Variants in PTPRR observed in about 807,000 individuals in gnomAD.
PTPRR encodes receptor-type tyrosine-protein phosphatase R.
In PTPRR, 38 loss-of-function variants were observed where a neutral mutation model predicts 77.2. The observed-to-expected ratio is 0.49, with a 90% CI of 0.38 to 0.65. The LOEUF (loss-of-function observed/expected upper bound fraction) is 0.65. Ranked by LOEUF, PTPRR falls within the 30% of genes least tolerant of loss-of-function variation. PTPRR has a pLI of 0.00. For missense variants in PTPRR, 744 were observed against 799.2 expected (o/e 0.93, Z 0.83); for synonymous variants, 299 against 283.1 (o/e 1.06, Z -0.57).
intron 2 of PTPRR, among the ~76,000 whole-genome samples, chr12:70,827,023 A>G (rs1892121092): frequency 1.3e-5 from 2 of 152,182 alleles, no homozygotes; most frequent in South Asian, 4.1e-4. Context: ...CTTATGGTTC[A>G]GACTTGGATT....
chr12:70,674,261 T>C (rs1342476949), intron 10 of PTPRR, among the ~76,000 whole-genome samples: 2 of 152,170 alleles, frequency 1.3e-5, no homozygotes, highest in Non-Finnish European at 1.5e-5. Context: ...CTTTGTTTTA[T>C]GTTTAACATT....
At chr12:70,742,852 G>A (rs1026292485) in intron 6 of PTPRR, among the ~76,000 whole-genome samples, 1 of 152,122 alleles carries the variant, frequency 6.6e-6, no homozygotes, top group Non-Finnish European at 1.5e-5. Context: ...AAACAACACG[G>A]AGAAGCTGAG....
chr12:70,730,846 G>C (rs1025039943), intron 6 of PTPRR, among the ~76,000 whole-genome samples: 1 of 150,610 alleles, frequency 6.6e-6, no homozygotes, highest in African/African-American at 2.4e-5. Context: ...GAGAATGAGA[G>C]AGAGCAGAAG....
intron 2 of PTPRR, among the ~76,000 whole-genome samples, chr12:70,872,707 A>AAAAAAAAAAAAAC (rs1892981864): frequency 1.3e-5 from 2 of 149,350 alleles, no homozygotes; most frequent in Non-Finnish European, 3.0e-5. Context: ...AAAAAAAAAA[A>AAAAAAAAAAAAAC]AAAAAAAAAA....
intron 2 of PTPRR, among the ~76,000 whole-genome samples, chr12:70,783,622 A>G (rs1025139800): frequency 1.2e-4 from 18 of 152,096 alleles, no homozygotes; most frequent in African/African-American, 4.1e-4. Flanking sequence ...GGGCCCAAGA[A>G]AAAGCACCAT....
chr12:70,784,263 TGG>T (rs1296746595), intron 2 of PTPRR, among the ~76,000 whole-genome samples: 1 of 152,164 alleles, frequency 6.6e-6, no homozygotes, highest in Non-Finnish European at 1.5e-5. Flanking sequence ...CAGTTGCACC[TGG>T]GGAGCTCCCA....
chr12:70,822,900 C>A (rs1322333630), intron 2 of PTPRR, among the ~76,000 whole-genome samples: 4 of 152,024 alleles, frequency 2.6e-5, no homozygotes, highest in Non-Finnish European at 5.9e-5. Flanking sequence ...AGGGCATAAT[C>A]CTTTTTCAGA....
At chr12:70,871,259 T>A (rs776471261) in intron 2 of PTPRR, among the ~76,000 whole-genome samples, 12 of 152,162 alleles carry the variant, frequency 7.9e-5, no homozygotes, top group Non-Finnish European at 1.6e-4. Flanking sequence ...AAAACTTCAA[T>A]AGCAGCAAAC....
In PTPRR at chr12:70,684,691, C is replaced by T. The variant is rs1887795030; in HGVS notation, c.1359+13G>A. 2 of 1,528,562 alleles carry T rather than the reference C, an allele frequency of 1.3e-6. No individual in the cohort carries two copies. Among genetic ancestry groups the T allele is most frequent in the Non-Finnish European group, 1.8e-6 (2 of 1,120,668 alleles). 94.7% of individuals were successfully genotyped at this position (1,528,562 alleles called of 1,614,324 possible). A position where few individuals can be genotyped will look rare whatever the true frequency, so the allele number is the denominator to read the frequency against. On this transcript the variant is annotated intron_variant, in intron 9 of 13. Coordinates refer to ENST00000283228, the MANE Select transcript of PTPRR (RefSeq NM_002849.4). ...GGAAGTCACCAGAAAGAAATTTGTACTTATTTACTTACCCTAATATAATTA... is the reference window on the plus strand; with the variant it reads ...GGAAGTCACCAGAAAGAAATTTGTATTTATTTACTTACCCTAATATAATTA...
intron 2 of PTPRR, among the ~76,000 whole-genome samples, chr12:70,886,896 C>T (rs1244497570): frequency 4.6e-5 from 7 of 152,114 alleles, no homozygotes; most frequent in Non-Finnish European, 1.5e-5. Context: ...GTGGAACATA[C>T]ATTATAACTC....
At chr12:70,684,870 C>T in intron 8 of PTPRR, 87 bp from the exon 9 acceptor site, 1 of 867,708 alleles carries the variant, frequency 1.2e-6, no homozygotes, top group Non-Finnish European at 1.8e-6. Context: ...AAGTAGAAAC[C>T]TGTTATGTAT....
At chr12:70,857,686 G>T (rs770539799) in intron 2 of PTPRR, among the ~76,000 whole-genome samples, 15 of 152,058 alleles carry the variant, frequency 9.9e-5, no homozygotes, top group Non-Finnish European at 1.9e-4. Context: ...AATATGGTTG[G>T]CTGCTTGTAA....
chr12:70,874,533 G>T (rs1410350832), intron 2 of PTPRR, among the ~76,000 whole-genome samples: 4 of 152,172 alleles, frequency 2.6e-5, no homozygotes, highest in African/African-American at 9.7e-5. Flanking sequence ...GAGTGATTCT[G>T]GTAGGGATGA....
rs1465924225 is a variant in PTPRR, at chr12:70,920,323, A to G, written c.58+10T>C. ...GCACAGCTCCGGCTCTAAGCCTGGCAACCCCTTACCTGCAGCGTGAAGATT... is the reference window on the plus strand; with the variant it reads ...GCACAGCTCCGGCTCTAAGCCTGGCGACCCCTTACCTGCAGCGTGAAGATT... On this transcript the variant is annotated intron_variant, in intron 1 of 13. Coordinates refer to ENST00000283228, the MANE Select transcript of PTPRR (RefSeq NM_002849.4). 1.9e-6 allele frequency: 3 copies of G among 1,613,008 alleles called. No individual in the cohort carries two copies.
intron 1 of PTPRR, among the ~76,000 whole-genome samples, chr12:70,913,959 T>A (rs927420456): frequency 2.6e-5 from 4 of 152,118 alleles, no homozygotes; most frequent in African/African-American, 7.2e-5. Flanking sequence ...GTGTTATTGT[T>A]CTCAAAAAAC....
intron 2 of PTPRR, among the ~76,000 whole-genome samples, chr12:70,783,148 T>C (rs915184421): frequency 6.6e-6 from 1 of 152,128 alleles, no homozygotes; most frequent in Admixed American, 6.5e-5. Context: ...GAATGAGGTA[T>C]GCAGACAAGT....
intron 2 of PTPRR, among the ~76,000 whole-genome samples, chr12:70,883,620 G>A (rs572807689): frequency 2.0e-5 from 3 of 152,116 alleles, no homozygotes; most frequent in East Asian, 1.9e-4. Context: ...GAAAAGCTTC[G>A]TGCTTTTCAT....
chr12:70,785,332 A>G (rs371090993), intron 2 of PTPRR, among the ~76,000 whole-genome samples: 2 of 152,000 alleles, frequency 1.3e-5, no homozygotes, highest in Non-Finnish European at 2.9e-5. Context: ...TTTTTCCTTC[A>G]TTAGTCTCTG....
intron 2 of PTPRR, among the ~76,000 whole-genome samples, chr12:70,877,544 C>T (rs1893071789): frequency 6.6e-6 from 1 of 152,026 alleles, no homozygotes; most frequent in Non-Finnish European, 1.5e-5. Flanking sequence ...ACCTAGGAAT[C>T]CAACTTACAA....
Sources: allele counts gnomAD v4.1 joint callset (sites outside exome capture counted in the v4.1 genomes callset), GRCh38; gene constraint gnomAD v4.1.1; transcripts MANE v1.5; gene names NCBI Gene and HGNC (gene_info 2026-07-23, HGNC 2026-07-21).